RAD51B: variants seen among roughly 807,000 people sequenced by gnomAD.
RAD51B encodes RAD51 paralog B.
Under a neutral mutation model 42.2 loss-of-function variants are expected in RAD51B, and 38 were observed. That is an observed-to-expected ratio of 0.90 (90% CI 0.70 to 1.18). The LOEUF is 1.18. Ranked by LOEUF, RAD51B falls within the 50% of genes most tolerant of loss-of-function variation. The pLI is 0.00. For missense variants in RAD51B, 373 were observed against 400.7 expected (o/e 0.93, Z 0.59); for synonymous variants, 154 against 145.2 (o/e 1.06, Z -0.43).
chr14:68,580,776 G>A (rs996295973), intron 10 of RAD51B, among the ~76,000 whole-genome samples: 2 of 152,134 alleles, frequency 1.3e-5, no homozygotes, highest in Non-Finnish European at 2.9e-5. Context: ...CCAAGGTTCT[G>A]TTCTAACCTC....
At chr14:68,431,714 A>G (rs1483359238) in intron 9 of RAD51B, among the ~76,000 whole-genome samples, 1 of 151,910 alleles carries the variant, frequency 6.6e-6, no homozygotes, top group African/African-American at 2.4e-5. Flanking sequence ...TCCTGGATTC[A>G]TTGATTTTTT....
At chr14:67,852,410 G>A (rs979940829) in intron 4 of RAD51B, among the ~76,000 whole-genome samples, 4 of 152,358 alleles carry the variant, frequency 2.6e-5, no homozygotes, top group African/African-American at 7.2e-5. Flanking sequence ...GTGGGGTTGA[G>A]CTTCCAAGAA....
chr14:67,982,851 C>G (rs557989840), intron 7 of RAD51B, among the ~76,000 whole-genome samples: 17 of 152,008 alleles, frequency 1.1e-4, no homozygotes, highest in African/African-American at 4.1e-4. Flanking sequence ...ATCACTTGAG[C>G]CCAGGAATTT....
At chr14:68,199,718 C>T (rs1274791394) in intron 7 of RAD51B, among the ~76,000 whole-genome samples, 2 of 152,210 alleles carry the variant, frequency 1.3e-5, no homozygotes, top group Non-Finnish European at 2.9e-5. Context: ...GCCACTCTCC[C>T]TCTAGGGAGG....
At chr14:68,525,056 T>C (rs1396006877) in intron 10 of RAD51B, among the ~76,000 whole-genome samples, 2 of 152,248 alleles carry the variant, frequency 1.3e-5, no homozygotes, top group Non-Finnish European at 2.9e-5. Context: ...CAGTTGGCTT[T>C]GGGATAGAAA....
chr14:68,682,618 A>C (rs371688315), intron 11 of RAD51B, among the ~76,000 whole-genome samples: 6 of 152,246 alleles, frequency 3.9e-5, no homozygotes, highest in African/African-American at 1.2e-4. Context: ...CCTGGAAGTC[A>C]TTATTTCTTC....
intron 7 of RAD51B, among the ~76,000 whole-genome samples, chr14:68,241,330 C>T (rs1306211688): frequency 6.6e-6 from 1 of 152,202 alleles, no homozygotes; most frequent in Non-Finnish European, 1.5e-5. Flanking sequence ...ATCACGAGGT[C>T]AGGAGATTGA....
chr14:68,017,349 C>T (rs900480913), intron 7 of RAD51B, among the ~76,000 whole-genome samples: 1 of 152,140 alleles, frequency 6.6e-6, no homozygotes, highest in African/African-American at 2.4e-5. Context: ...GCACGTGCCA[C>T]CATACCCGGC....
intron 10 of RAD51B, among the ~76,000 whole-genome samples, chr14:68,646,064 C>CTTTT (rs146646503): frequency 6.7e-6 from 1 of 148,736 alleles, no homozygotes. Flanking sequence ...TGCTAGGCAT[C>CTTTT]TTTTTTTTTT....
rs2076500857 is a variant in RAD51B, at chr14:68,057,791, A to C, written c.756+170587A>C. ...GAAAATAAAATCTGCCATCTTATCA[A>C]GTTCAATGTGACTGTAACCTTTTAG... On this transcript the variant is annotated intron_variant, in intron 7 of 10. Transcript: ENST00000471583. Among the ~76,000 whole-genome samples, 5 of 150,190 alleles carry C rather than the reference A, an allele frequency of 3.3e-5. No homozygotes were observed. The South Asian group carries it at 1.0e-3, about 32-fold the overall frequency.
chr14:68,660,966 A>G (rs1380296779), intron 11 of RAD51B, among the ~76,000 whole-genome samples: 1 of 152,094 alleles, frequency 6.6e-6, no homozygotes, highest in Non-Finnish European at 1.5e-5. Flanking sequence ...ATGTCACCAA[A>G]TCGCGTATAG....
At chr14:67,938,710 G>C (rs2045047179) in intron 7 of RAD51B, among the ~76,000 whole-genome samples, 1 of 152,166 alleles carries the variant, frequency 6.6e-6, no homozygotes, top group Admixed American at 6.5e-5. Context: ...TGGCATCTGT[G>C]GTTGAGAATA....
At chr14:67,845,649 C>T (rs1594989616) in intron 4 of RAD51B, among the ~76,000 whole-genome samples, 1 of 152,072 alleles carries the variant, frequency 6.6e-6, no homozygotes, top group Non-Finnish European at 1.5e-5. Context: ...GCCTGGGTGA[C>T]AGAGTGAAAC....
intron 7 of RAD51B, among the ~76,000 whole-genome samples, chr14:68,108,852 C>T (rs2077417395): frequency 6.6e-6 from 1 of 151,892 alleles, no homozygotes; most frequent in South Asian, 2.1e-4. Flanking sequence ...TAGTCCACCA[C>T]TTCAATTATC....
chr14:67,900,598 TTGTGTGTGTGTGTG>T (rs142144274), intron 7 of RAD51B, among the ~76,000 whole-genome samples: 1 of 142,236 alleles, frequency 7.0e-6, no homozygotes, highest in East Asian at 2.1e-4. Flanking sequence ...TTCTTTCAGT[TTGTGTGTGTGTGTG>T]TGTGTGTGTG....
chr14:67,999,215 A>T (rs748938558), intron 7 of RAD51B, among the ~76,000 whole-genome samples: 1 of 152,130 alleles, frequency 6.6e-6, no homozygotes, highest in Non-Finnish European at 1.5e-5. Flanking sequence ...CAGTGTTTAC[A>T]GTAGGACAGA....
At chr14:68,316,331 G>T (rs537515101) in intron 8 of RAD51B, among the ~76,000 whole-genome samples, 1 of 152,236 alleles carries the variant, frequency 6.6e-6, no homozygotes, top group Non-Finnish European at 1.5e-5. Flanking sequence ...TACCAACCTG[G>T]CACGAATTAT....
chr14:68,558,159 C>T (rs1888954618), intron 10 of RAD51B, among the ~76,000 whole-genome samples: 1 of 152,196 alleles, frequency 6.6e-6, no homozygotes, highest in African/African-American at 2.4e-5. Context: ...TAGCTGTCAG[C>T]CATCACCATG....
intron 7 of RAD51B, among the ~76,000 whole-genome samples, chr14:68,285,854 CAT>C (rs908057511): frequency 7.9e-5 from 12 of 152,146 alleles, no homozygotes; most frequent in Non-Finnish European, 1.6e-4. Flanking sequence ...ATGATAACCA[CAT>C]GTTATCAAGA....
Sources: allele counts gnomAD v4.1 joint callset (sites outside exome capture counted in the v4.1 genomes callset), GRCh38; gene constraint gnomAD v4.1.1; transcripts MANE v1.5; gene names NCBI Gene and HGNC (gene_info 2026-07-23, HGNC 2026-07-21).